SCRG1: variants seen among roughly 807,000 people sequenced by gnomAD.
SCRG1 encodes stimulator of chondrogenesis 1, also known as scrapie-responsive protein 1.
Under a neutral mutation model 7.7 loss-of-function variants are expected in SCRG1, and 3 were observed. The observed-to-expected ratio is 0.39, with a 90% CI of 0.18 to 1.01. The LOEUF (loss-of-function observed/expected upper bound fraction) is 1.01, where lower values mean the gene tolerates loss of function less well. Among genes scored for constraint, SCRG1 ranks in the 50% least tolerant of loss-of-function variants. The pLI is 0.36. For synonymous variants in SCRG1, 46 were observed against 41.2 expected (o/e 1.12, Z -0.44); for missense variants, 110 against 117.2 (o/e 0.94, Z 0.28).
upstream of SCRG1, among the ~76,000 whole-genome samples, chr4:173,411,204 A>G (rs549654872): frequency 7.2e-5 from 11 of 152,342 alleles, no homozygotes; most frequent in South Asian, 1.9e-3. Flanking sequence ...TAAGTACTCA[A>G]TAACTATTTA....
the SCRG1 span, among the ~76,000 whole-genome samples, chr4:173,461,583 A>G: frequency 6.6e-6 from 1 of 152,238 alleles, no homozygotes; most frequent in South Asian, 2.1e-4. Context: ...AAGCCTTGCT[A>G]CGAAAGACAG....
chr4:173,514,695 G>C, the SCRG1 span, among the ~76,000 whole-genome samples: 1 of 152,156 alleles, frequency 6.6e-6, no homozygotes, highest in African/African-American at 2.4e-5. Flanking sequence ...AGCTAGAACT[G>C]TTTTCCTTTT....
At chr4:173,436,089 A>T in the SCRG1 span, among the ~76,000 whole-genome samples, 1 of 129,834 alleles carries the variant, frequency 7.7e-6, no homozygotes, top group East Asian at 2.3e-4. Flanking sequence ...TTCAATTAAA[A>T]GGATGAAAAA....
At chr4:173,501,579 T>C in the SCRG1 span, among the ~76,000 whole-genome samples, 1 of 152,038 alleles carries the variant, frequency 6.6e-6, no homozygotes, top group Non-Finnish European at 1.5e-5. This position sits in a 1 kb window ranked among gnomAD's most constrained non-coding sequence, Gnocchi z 5.1. Context: ...CAGGGTCGTT[T>C]GGGGTGTCTG....
chr4:173,405,064 T>C (rs1026418695), intron 1 of SCRG1, among the ~76,000 whole-genome samples: 8 of 152,276 alleles, frequency 5.3e-5, no homozygotes, highest in Admixed American at 4.6e-4. Flanking sequence ...TTTATTTATT[T>C]GTACTTAGTT....
chr4:173,484,438 T>TATAATATATAATATATATTATATAC, the SCRG1 span, among the ~76,000 whole-genome samples: 8 of 41,980 alleles, frequency 1.9e-4, no homozygotes, highest in Non-Finnish European at 2.2e-4. Context: ...ATTATATACA[T>TATAATATATAATATATATTATATAC]ATGATATATA....
At chr4:173,439,451 G>A in the SCRG1 span, among the ~76,000 whole-genome samples, 428 of 151,828 alleles carry the variant, frequency 2.8e-3, no homozygotes, top group African/African-American at 9.8e-3. Flanking sequence ...AGAGGTCAAG[G>A]CTGCAGTGAG....
At chr4:173,453,028 C>A in the SCRG1 span, among the ~76,000 whole-genome samples, 1 of 152,124 alleles carries the variant, frequency 6.6e-6, no homozygotes, top group East Asian at 1.9e-4. Flanking sequence ...CACATAAATG[C>A]CTTTATTATA....
chr4:173,421,414 G>GTT, the SCRG1 span, among the ~76,000 whole-genome samples: 2 of 142,348 alleles, frequency 1.4e-5, no homozygotes, highest in African/African-American at 2.6e-5. Flanking sequence ...GGTTTAGTTT[G>GTT]TTGGGGGGGG....
At chr4:173,506,718 T>G in the SCRG1 span, among the ~76,000 whole-genome samples, 1 of 152,188 alleles carries the variant, frequency 6.6e-6, no homozygotes, top group Non-Finnish European at 1.5e-5. This position sits in a 1 kb window ranked among gnomAD's most constrained non-coding sequence, Gnocchi z 5.3. Flanking sequence ...CTTCACTTCC[T>G]GGATTTGAAG....
the SCRG1 span, among the ~76,000 whole-genome samples, chr4:173,445,415 C>G: frequency 5.3e-5 from 8 of 151,770 alleles, no homozygotes; most frequent in African/African-American, 1.7e-4. Flanking sequence ...ACCCCCGCCT[C>G]TACTAAATAT....
chr4:173,394,777 T>C (rs961277598), intron 1 of SCRG1, among the ~76,000 whole-genome samples: 9 of 152,218 alleles, frequency 5.9e-5, no homozygotes, highest in Non-Finnish European at 1.3e-4. Context: ...CATCTATTTA[T>C]ATTGTGTATC....
chr4:173,498,493 A>G, the SCRG1 span, among the ~76,000 whole-genome samples: 1 of 152,188 alleles, frequency 6.6e-6, no homozygotes, highest in Non-Finnish European at 1.5e-5. Context: ...CAGCATACTC[A>G]TCTGTGAGAT....
At chr4:173,441,019 C>T in the SCRG1 span, among the ~76,000 whole-genome samples, 2 of 152,130 alleles carry the variant, frequency 1.3e-5, no homozygotes, top group Non-Finnish European at 2.9e-5. Context: ...AATAAGGTCA[C>T]CTCCACAGTT....
At chr4:173,502,983 C>T in the SCRG1 span, among the ~76,000 whole-genome samples, 54 of 152,304 alleles carry the variant, frequency 3.5e-4, no homozygotes, top group South Asian at 3.5e-3. The surrounding 1 kb of genome is among the most constrained non-coding windows in gnomAD (Gnocchi z 4.6). Flanking sequence ...GTGGGACTCA[C>T]GAAGAAGGAG....
the SCRG1 span, among the ~76,000 whole-genome samples, chr4:173,500,977 G>A: frequency 2.6e-5 from 4 of 152,246 alleles, no homozygotes; most frequent in African/African-American, 9.6e-5. Context: ...GGGAGCAGAA[G>A]GCCGGGGCTT....
the SCRG1 span, among the ~76,000 whole-genome samples, chr4:173,425,624 G>T: frequency 1.8e-4 from 27 of 152,246 alleles, 1 homozygote; most frequent in Admixed American, 1.0e-3. Context: ...ACTGGCCCAG[G>T]GCCCAATGAG....
In SCRG1 at chr4:173,384,996, G is replaced by T. The variant is rs962177750; in HGVS notation, c.*3345C>A. 1 of 152,112 alleles carries T rather than the reference G, an allele frequency of 6.6e-6. No homozygotes were observed. Among genetic ancestry groups the T allele is most frequent in the Non-Finnish European group, 1.5e-5 (1 of 68,014 alleles). The allele number at this position is 152,112 out of a possible 1,614,324, so 9.4% of individuals were successfully genotyped here. A position where few individuals can be genotyped will look rare whatever the true frequency, so the allele number is the denominator to read the frequency against. The stretch of plus-strand genomic sequence containing the variant: ...GACTCTAGATGCTAGTGTAAGACTG[G>T]CCATATTCAAAATCTGGCTCAATTG... On this transcript the variant is annotated 3_prime_UTR_variant, in exon 3 of 3. Coordinates refer to ENST00000296506, the MANE Select transcript of SCRG1 (RefSeq NM_007281.4).
At chr4:173,417,143 G>C in the SCRG1 span, among the ~76,000 whole-genome samples, 1 of 146,998 alleles carries the variant, frequency 6.8e-6, no homozygotes, top group Non-Finnish European at 1.5e-5. Context: ...GACACACACA[G>C]ACAGACAGAC....
Sources: gnomAD v4.1 joint callset for allele counts (sites outside exome capture counted in the v4.1 genomes callset) on GRCh38, gnomAD v4.1.1 for gene constraint, Gnocchi (gnomAD v3.1) non-coding constraint, MANE v1.5 for transcripts, NCBI Gene and HGNC (gene_info 2026-07-23, HGNC 2026-07-21) for gene names.